SENP6: variants seen among roughly 807,000 people sequenced by gnomAD.
SENP6 encodes the protein SUMO specific peptidase 6, also known as sentrin-specific protease 6.
Under a neutral mutation model 134.5 loss-of-function variants are expected in SENP6, and 41 were observed. The observed-to-expected ratio is 0.30, with a 90% confidence interval of 0.24 to 0.40. SENP6 has a LOEUF of 0.40. SENP6 is among the 10% of genes least tolerant of loss of function. SENP6 has a pLI of 1.00. For synonymous variants in SENP6, 395 were observed against 429.8 expected (o/e 0.92, Z 1.00); for missense variants, 1,248 against 1,312.5 (o/e 0.95, Z 0.76).
intron 7 of SENP6, among the ~76,000 whole-genome samples, chr6:75,648,148 C>T (rs1279524317): frequency 6.6e-6 from 1 of 151,982 alleles, no homozygotes; most frequent in Admixed American, 6.6e-5. Context: ...ACTGGTTTTG[C>T]TTCTAAAATT....
chr6:75,656,107 C>G (rs1771308395), intron 7 of SENP6, among the ~76,000 whole-genome samples: 1 of 151,292 alleles, frequency 6.6e-6, no homozygotes, highest in Non-Finnish European at 1.5e-5. Flanking sequence ...CCCAGCTACT[C>G]AGGAGGCAGA....
chr6:75,663,600 C>G (rs1054604625), intron 9 of SENP6, 82 bp downstream of exon 9: 1 of 976,334 alleles, frequency 1.0e-6, no homozygotes. Flanking sequence ...CTCCCCAACC[C>G]CATATATATT....
In SENP6 at chr6:75,715,374, T is replaced by C; in HGVS notation, c.3130-11T>C. 1 of 1,576,364 alleles carries C rather than the reference T, an allele frequency of 6.3e-7. No homozygotes were observed. Among genetic ancestry groups the C allele is most frequent in the Non-Finnish European group, 8.7e-7 (1 of 1,152,238 alleles). ...TACAGTTTTCTAATACGCATTTAAT[T>C]GTATTTTCAGAATCCAATTCTCAGT... On this transcript the variant is annotated splice_polypyrimidine_tract_variant and intron_variant, in intron 23 of 23. Coordinates refer to ENST00000447266, the MANE Select transcript of SENP6 (RefSeq NM_015571.4).
In SENP6 at chr6:75,705,554, A is replaced by T. The variant is rs546279938; in HGVS notation, c.2716+2482A>T. Among the ~76,000 whole-genome samples the T allele has an allele frequency of 3.9e-3, 585 of 151,340 alleles. 3 individuals carry two copies. Among genetic ancestry groups the T allele is most frequent in the African/African-American group, 0.01 (416 of 40,924 alleles). ...GCGAGACTCCATCTCAAAAATAAAT[A>T]AATAAATTAATTAATTAATTAAAAA... On this transcript the variant is annotated intron_variant, in intron 19 of 23. Transcript: ENST00000447266.
At chr6:75,648,025 C>T (rs542201794) in intron 7 of SENP6, among the ~76,000 whole-genome samples, 336 of 152,246 alleles carry the variant, frequency 2.2e-3, no homozygotes, top group Non-Finnish European at 4.2e-3. Context: ...ATTATTTTAG[C>T]ATTTTTGCTA....
In SENP6 at chr6:75,602,692, C is replaced by A. The variant is rs995347266; in HGVS notation, c.52+116C>A. ...GGTGGGTTTCGGGGGCGGTGAAGTA[C>A]GAGGGATGAGCGATGACGGGGAGGG... On this transcript the variant is annotated intron_variant, in intron 1 of 23. Coordinates refer to ENST00000447266, the MANE Select transcript of SENP6 (RefSeq NM_015571.4). The A allele has an allele frequency of 4.0e-5, 42 of 1,059,898 alleles. 1 individual carries two copies. The East Asian group carries it at 1.1e-3, about 28-fold the overall frequency. The allele number at this position is 1,059,898 out of a possible 1,614,324, so 65.7% of individuals were successfully genotyped here.
At chr6:75,653,351 C>T (rs1474627169) in intron 7 of SENP6, among the ~76,000 whole-genome samples, 3 of 152,046 alleles carry the variant, frequency 2.0e-5, no homozygotes, top group Non-Finnish European at 4.4e-5. Context: ...CTAATGTTGT[C>T]AAATAGTACA....
intron 3 of SENP6, among the ~76,000 whole-genome samples, chr6:75,624,628 G>T (rs960802317): frequency 1.3e-5 from 2 of 152,048 alleles, no homozygotes; most frequent in African/African-American, 2.4e-5. Flanking sequence ...TTTTTGTGAG[G>T]TTGAACATCA....
chr6:75,694,180 C>T (rs775156098), intron 16 of SENP6, among the ~76,000 whole-genome samples: 54 of 152,074 alleles, frequency 3.6e-4, no homozygotes, highest in Non-Finnish European at 6.2e-4. Flanking sequence ...CGCTTGAACC[C>T]GGGAGGTGGA....
intron 7 of SENP6, among the ~76,000 whole-genome samples, chr6:75,653,590 T>C (rs1771081767): frequency 6.6e-6 from 1 of 152,144 alleles, no homozygotes; most frequent in Non-Finnish European, 1.5e-5. Flanking sequence ...CAGGAATGCC[T>C]ACTGAAGTAT....
At chr6:75,637,444 A>T (rs1468597472) in intron 5 of SENP6, among the ~76,000 whole-genome samples, 1 of 152,186 alleles carries the variant, frequency 6.6e-6, no homozygotes. Context: ...CTTAACTGCT[A>T]TTCCAAATGT....
intron 3 of SENP6, among the ~76,000 whole-genome samples, chr6:75,624,739 T>G (rs776555487): frequency 2.0e-5 from 3 of 152,200 alleles, no homozygotes; most frequent in East Asian, 1.9e-4. Flanking sequence ...TAGGAATTAT[T>G]TTTATATTTA....
intron 1 of SENP6, among the ~76,000 whole-genome samples, chr6:75,618,987 T>C (rs1768059203): frequency 2.0e-5 from 3 of 151,312 alleles, no homozygotes. Context: ...TTAGAGAGGA[T>C]TTATGTTTGC....
intron 16 of SENP6, among the ~76,000 whole-genome samples, chr6:75,690,321 TGTG>T (rs1358947690): frequency 6.6e-6 from 1 of 152,214 alleles, no homozygotes; most frequent in Non-Finnish European, 1.5e-5. Flanking sequence ...ATAAACCAAA[TGTG>T]GTGTATACAT....
At chr6:75,714,145 A>G (rs571912401) in intron 23 of SENP6, among the ~76,000 whole-genome samples, 9 of 152,108 alleles carry the variant, frequency 5.9e-5, no homozygotes, top group Non-Finnish European at 1.2e-4. Flanking sequence ...TCTCCTCTTC[A>G]TAGATACATT....
chr6:75,689,130 G>C (rs1774055812), intron 16 of SENP6, among the ~76,000 whole-genome samples: 2 of 152,226 alleles, frequency 1.3e-5, no homozygotes, highest in African/African-American at 4.8e-5. Context: ...AGGAGGCTGA[G>C]ATGGGAGGAT....
At chr6:75,606,108 A>G (rs568501060) in intron 1 of SENP6, among the ~76,000 whole-genome samples, 1 of 152,346 alleles carries the variant, frequency 6.6e-6, no homozygotes, top group East Asian at 1.9e-4. Flanking sequence ...AAGGAAATTA[A>G]CAACACTGGT....
intron 7 of SENP6, among the ~76,000 whole-genome samples, chr6:75,649,604 G>A (rs1377560876): frequency 6.6e-6 from 1 of 151,944 alleles, no homozygotes; most frequent in Non-Finnish European, 1.5e-5. Context: ...TGCAACCTCC[G>A]CCTCCCGGGT....
intron 3 of SENP6, among the ~76,000 whole-genome samples, chr6:75,626,513 A>G (rs1458275500): frequency 6.6e-6 from 1 of 152,156 alleles, no homozygotes; most frequent in African/African-American, 2.4e-5. Flanking sequence ...GGATGGATAT[A>G]CTGTAGATAT....
Sources: allele counts gnomAD v4.1 joint callset (sites outside exome capture counted in the v4.1 genomes callset), GRCh38; gene constraint gnomAD v4.1.1; transcripts MANE v1.5; gene names NCBI Gene and HGNC (gene_info 2026-07-23, HGNC 2026-07-21).